The following CRISPLD2 variants were observed in gnomAD, a reference collection of about 807,000 sequenced individuals.
The protein encoded by CRISPLD2 is cysteine-rich secretory protein LCCL domain-containing 2.
A neutral mutation model predicts 71.1 loss-of-function variants in CRISPLD2; 47 were observed. That is an observed-to-expected ratio of 0.66 (90% CI 0.52 to 0.84). The LOEUF is 0.84. Ranked by LOEUF, CRISPLD2 falls within the 40% of genes least tolerant of loss-of-function variation. The pLI is 0.00. For missense variants in CRISPLD2, 830 were observed against 651.1 expected (o/e 1.27, Z -2.99); for synonymous variants, 317 against 250.1 (o/e 1.27, Z -2.52).
At chr16:84,896,574 T>C (rs2071708375) in intron 14 of CRISPLD2, among the ~76,000 whole-genome samples, 1 of 152,120 alleles carries the variant, frequency 6.6e-6, no homozygotes, top group Admixed American at 6.5e-5. Context: ...TAGGCCTGTG[T>C]TAGGTGATTT....
At position 84,845,872 on chromosome 16, in the gene CRISPLD2, C is replaced by A; in HGVS notation, c.327C>A (p.Ser109=). ...ACGGGCCCACCAGTCTGCTGGTGTC[C>A]ATCGGGCAGAACCTGGGCGCTCACT... ...WEHGPTSLLV[S]IGQNLGAHWG... Residue 109 remains serine (S), a synonymous_variant, in exon 3 of 15, where the codon TCC becomes TCA. Transcript: ENST00000262424. 6.2e-7 allele frequency: 1 copy of A among 1,613,864 alleles called. No individual in the cohort carries two copies. Among genetic ancestry groups the A allele is most frequent in the South Asian group, 1.1e-5 (1 of 91,068 alleles).
At chr16:84,854,413 G>A (rs577477021) in intron 5 of CRISPLD2, among the ~76,000 whole-genome samples, 2 of 152,238 alleles carry the variant, frequency 1.3e-5, no homozygotes, top group African/African-American at 2.4e-5. Flanking sequence ...GTGATCTAGG[G>A]GCCCTAACAG....
chr16:84,858,470 A>C (rs888151588), intron 6 of CRISPLD2, among the ~76,000 whole-genome samples: 1 of 152,192 alleles, frequency 6.6e-6, no homozygotes, highest in African/African-American at 2.4e-5. Context: ...GCCTAACACC[A>C]CTAGACCCCT....
chr16:84,882,148 G>A (rs916098017), intron 13 of CRISPLD2, among the ~76,000 whole-genome samples: 5 of 151,924 alleles, frequency 3.3e-5, no homozygotes, highest in African/African-American at 1.2e-4. Flanking sequence ...TAAAGAGCTG[G>A]GCAAAGCAAT....
chr16:84,882,763 G>A (rs116953826), intron 13 of CRISPLD2, among the ~76,000 whole-genome samples: 3,231 of 152,254 alleles, frequency 0.021, 47 homozygotes, highest in Non-Finnish European at 0.03. Context: ...TAAAAACACC[G>A]TCTCTAGGTA....
intron 13 of CRISPLD2, among the ~76,000 whole-genome samples, chr16:84,882,945 A>G (rs141533746): frequency 5.3e-5 from 8 of 152,216 alleles, no homozygotes; most frequent in African/African-American, 1.9e-4. Flanking sequence ...TCATAGCTAC[A>G]CTGATATGAA....
intron 14 of CRISPLD2, among the ~76,000 whole-genome samples, chr16:84,904,859 G>A (rs8049300): frequency 0.51 from 77,120 of 151,846 alleles, 20,364 homozygotes; most frequent in South Asian, 0.7. Context: ...ACAGATGTCT[G>A]AGAAAACAAG....
At chr16:84,825,072 A>C (rs1166838763) in intron 1 of CRISPLD2, among the ~76,000 whole-genome samples, 1 of 152,120 alleles carries the variant, frequency 6.6e-6, no homozygotes, top group African/African-American at 2.4e-5. Context: ...CCACCACTGC[A>C]CTCCAGCCTG....
chr16:84,828,656 G>A (rs1464371216), intron 1 of CRISPLD2, among the ~76,000 whole-genome samples: 1 of 152,098 alleles, frequency 6.6e-6, no homozygotes, highest in African/African-American at 2.4e-5. Context: ...GGGTTTTAAA[G>A]AATGTATTAA....
intron 13 of CRISPLD2, among the ~76,000 whole-genome samples, chr16:84,881,310 T>A (rs2071566755): frequency 6.6e-6 from 1 of 152,228 alleles, no homozygotes; most frequent in South Asian, 2.1e-4. Flanking sequence ...CCACCCTAAT[T>A]TACTGCTTGT....
intron 3 of CRISPLD2, among the ~76,000 whole-genome samples, chr16:84,848,055 C>G (rs1916963900): frequency 6.6e-6 from 1 of 152,224 alleles, no homozygotes; most frequent in Admixed American, 6.5e-5. Context: ...ACACAGACTT[C>G]CCCCTTTCTT....
chr16:84,864,326 C>T (rs76781391), intron 6 of CRISPLD2, among the ~76,000 whole-genome samples: 1 of 152,184 alleles, frequency 6.6e-6, no homozygotes, highest in African/African-American at 2.4e-5. Flanking sequence ...TGTCTGTCTG[C>T]CCATTTTCTT....
At chr16:84,886,610 G>A (rs1163292703) in intron 13 of CRISPLD2, among the ~76,000 whole-genome samples, 3 of 152,160 alleles carry the variant, frequency 2.0e-5, no homozygotes, top group African/African-American at 7.2e-5. Flanking sequence ...ATCGTTTGAG[G>A]CCAGGAGTTT....
rs2071766776 is a variant in CRISPLD2 at position 84,902,772 on chromosome 16, C to CCTTT, written c.1440-3816_1440-3815insCTTT. 5.8e-5 allele frequency among the ~76,000 whole-genome samples: 5 copies of CCTTT among 85,958 alleles called. No individual in the cohort carries two copies. In the South Asian group the frequency reaches 2.5e-3, roughly 44 times the overall value. 56.4% of individuals were successfully genotyped at this position (85,958 alleles called of 152,430 possible). A position where few individuals can be genotyped will look rare whatever the true frequency, so the allele number is the denominator to read the frequency against. On this transcript the variant is annotated intron_variant, in intron 14 of 14. Coordinates refer to ENST00000262424, the MANE Select transcript of CRISPLD2 (RefSeq NM_031476.4). ...TATTTTTTGGAAAATCGGCCCATTGCTTTTTTTTTTTTTTTTTTTGAGACA... is the reference window on the plus strand; with the variant it reads ...TATTTTTTGGAAAATCGGCCCATTGCCTTTTTTTTTTTTTTTTTTTTTTGAGACA...
intron 1 of CRISPLD2, among the ~76,000 whole-genome samples, chr16:84,826,393 C>G (rs906885815): frequency 6.6e-6 from 1 of 152,240 alleles, no homozygotes; most frequent in African/African-American, 2.4e-5. Context: ...GAGTCAGTGT[C>G]CTGAGGATGC....
chr16:84,829,506 T>G (rs1395034660), intron 1 of CRISPLD2, among the ~76,000 whole-genome samples: 1 of 152,116 alleles, frequency 6.6e-6, no homozygotes, highest in Non-Finnish European at 1.5e-5. Flanking sequence ...GGCCTCTTGC[T>G]CAGATCTGAG....
chr16:84,850,001 C>T (rs1350705684), intron 4 of CRISPLD2, among the ~76,000 whole-genome samples: 1 of 151,688 alleles, frequency 6.6e-6, no homozygotes, highest in Non-Finnish European at 1.5e-5. Flanking sequence ...GTTGGGATTA[C>T]AGTTGTGAGC....
intron 1 of CRISPLD2, among the ~76,000 whole-genome samples, chr16:84,823,616 C>A (rs1916279981): frequency 6.6e-6 from 1 of 152,164 alleles, no homozygotes; most frequent in Admixed American, 6.5e-5. Flanking sequence ...CTGGGGGAGC[C>A]CTGCCTTCTA....
Position 84,872,437 on chromosome 16 carries a change from G to C in CRISPLD2, c.915-5G>C. 3.1e-6 allele frequency: 5 copies of C among 1,612,704 alleles called. No individual in the cohort carries two copies. The highest frequency in any genetic ancestry group is 4.2e-6 in the Non-Finnish European group (5 of 1,179,024). ...CTGAACATCATTTTATTTCTTCCTC[G>C]TCAGGTACCAGTGCCCAGCAGGCTG... On this transcript the variant is annotated splice_polypyrimidine_tract_variant and splice_region_variant and intron_variant, in intron 8 of 14. Transcript: ENST00000262424.
Sources: gnomAD v4.1 joint callset for allele counts (sites outside exome capture counted in the v4.1 genomes callset) on GRCh38, gnomAD v4.1.1 for gene constraint, MANE v1.5 for transcripts, NCBI Gene and HGNC (gene_info 2026-07-23, HGNC 2026-07-21) for gene names.